Variants in NXPH1 observed in about 807,000 individuals in gnomAD.
NXPH1 encodes neurexophilin 1.
A neutral mutation model predicts 23.7 loss-of-function variants in NXPH1; 5 were observed. The observed-to-expected ratio is 0.21, with a 90% CI of 0.11 to 0.44. The LOEUF is 0.44. Ranked by LOEUF, NXPH1 falls within the 20% of genes least tolerant of loss-of-function variation. NXPH1 has a pLI of 0.99. For synonymous variants in NXPH1, 144 were observed against 122.2 expected, an observed-to-expected ratio of 1.18 and a Z score of -1.18; for missense variants, 324 against 321.6, an observed-to-expected ratio of 1.01 and a Z score of -0.06.
chr7:8,573,396 A>G (rs1818689142), intron 2 of NXPH1, among the ~76,000 whole-genome samples: 3 of 152,174 alleles, frequency 2.0e-5, no homozygotes, highest in South Asian at 4.1e-4. Context: ...TGGTCTTGAC[A>G]TACATACTAC....
At chr7:8,656,751 A>C (rs978280662) in intron 2 of NXPH1, among the ~76,000 whole-genome samples, 1 of 147,030 alleles carries the variant, frequency 6.8e-6, no homozygotes, top group Non-Finnish European at 1.5e-5. Flanking sequence ...TGTCCATGTG[A>C]TCTCATTGTT....
chr7:8,477,132 G>A (rs763508889), intron 2 of NXPH1, among the ~76,000 whole-genome samples: 2 of 152,026 alleles, frequency 1.3e-5, no homozygotes, highest in South Asian at 2.1e-4. Flanking sequence ...TCTCCTTCTT[G>A]GTTCTAAAAT....
intron 2 of NXPH1, among the ~76,000 whole-genome samples, chr7:8,445,800 G>T (rs1295964002): frequency 6.6e-6 from 1 of 152,198 alleles, no homozygotes; most frequent in African/African-American, 2.4e-5. Context: ...ACATGGGTTT[G>T]AAAGTACCAT....
chr7:8,715,561 C>T (rs111244490), intron 2 of NXPH1, among the ~76,000 whole-genome samples: 189 of 152,200 alleles, frequency 1.2e-3, no homozygotes, highest in Middle Eastern at 6.8e-3. Flanking sequence ...GCCAGATCTC[C>T]TTTCAGGTTG....
intron 2 of NXPH1, among the ~76,000 whole-genome samples, chr7:8,534,686 T>C (rs1335182146): frequency 1.3e-5 from 2 of 152,138 alleles, no homozygotes; most frequent in Non-Finnish European, 2.9e-5. Context: ...TTATAAATTA[T>C]CGTACTCTCA....
chr7:8,699,695 C>A (rs1322005571), intron 2 of NXPH1, among the ~76,000 whole-genome samples: 3 of 152,056 alleles, frequency 2.0e-5, no homozygotes, highest in Non-Finnish European at 2.9e-5. Flanking sequence ...GGGGAAAATA[C>A]AAGTTAAAAT....
chr7:8,622,680 A>T (rs1281040126), intron 2 of NXPH1, among the ~76,000 whole-genome samples: 1 of 152,256 alleles, frequency 6.6e-6, no homozygotes, highest in Non-Finnish European at 1.5e-5. Flanking sequence ...TCAGGATAAC[A>T]AATATTTATT....
intron 2 of NXPH1, among the ~76,000 whole-genome samples, chr7:8,437,626 G>A (rs973796543): frequency 6.6e-6 from 1 of 152,182 alleles, no homozygotes; most frequent in Non-Finnish European, 1.5e-5. Flanking sequence ...TCAATACTTT[G>A]TGTTAAATTT....
At chr7:8,499,224 C>G (rs188249112) in intron 2 of NXPH1, among the ~76,000 whole-genome samples, 2 of 152,140 alleles carry the variant, frequency 1.3e-5, no homozygotes, top group Admixed American at 1.3e-4. Flanking sequence ...TCTATCACCA[C>G]TACAAAAAAG....
At chr7:8,509,847 C>A (rs2057865) in intron 2 of NXPH1, among the ~76,000 whole-genome samples, 2 of 151,842 alleles carry the variant, frequency 1.3e-5, no homozygotes, top group Non-Finnish European at 1.5e-5. Flanking sequence ...CAATGGGAAG[C>A]TGGGCAACAA....
chr7:8,533,465 C>T (rs1817982452), intron 2 of NXPH1, among the ~76,000 whole-genome samples: 2 of 151,998 alleles, frequency 1.3e-5, no homozygotes, highest in African/African-American at 4.8e-5. Context: ...CATTAGGTGA[C>T]ATATAGGAAA....
chr7:8,552,723 G>A (rs866631078), intron 2 of NXPH1, among the ~76,000 whole-genome samples: 2 of 151,492 alleles, frequency 1.3e-5, no homozygotes, highest in Non-Finnish European at 3.0e-5. Context: ...TGGTTTTCAT[G>A]TTTGCATGAT....
chr7:8,596,396 G>A (rs1819225171), intron 2 of NXPH1, among the ~76,000 whole-genome samples: 1 of 152,066 alleles, frequency 6.6e-6, no homozygotes, highest in African/African-American at 2.4e-5. Flanking sequence ...AGTTATTAGG[G>A]CTCTTGGAAG....
intron 2 of NXPH1, among the ~76,000 whole-genome samples, chr7:8,615,124 T>A (rs1157690171): frequency 1.3e-5 from 2 of 152,040 alleles, no homozygotes; most frequent in Non-Finnish European, 2.9e-5. Flanking sequence ...TTGTTTCTAT[T>A]GGGGGAAAAT....
chr7:8,594,208 C>T (rs1041303004), intron 2 of NXPH1, among the ~76,000 whole-genome samples: 5 of 152,048 alleles, frequency 3.3e-5, no homozygotes, highest in Non-Finnish European at 7.4e-5. Flanking sequence ...AAATGACACG[C>T]ATACAAGCTA....
chr7:8,510,919 C>A (rs927772115), intron 2 of NXPH1, among the ~76,000 whole-genome samples: 3 of 152,074 alleles, frequency 2.0e-5, no homozygotes, highest in Non-Finnish European at 2.9e-5. Flanking sequence ...TTGGAAGTTT[C>A]CATTTATTTT....
At chr7:8,563,788 G>C (rs919320867) in intron 2 of NXPH1, among the ~76,000 whole-genome samples, 2 of 151,734 alleles carry the variant, frequency 1.3e-5, no homozygotes, top group Non-Finnish European at 3.0e-5. Flanking sequence ...TGCTAATAAT[G>C]CACGCAGAAA....
rs536656012 is a variant in NXPH1 at position 8,626,318 on chromosome 7, T to C, written c.55-124690T>C. ...GCCTTAGTCTATTCCAAACTGCAAC[T>C]TTGTTGAACCTCATGGACTATAATT... is the stretch of plus-strand genomic sequence containing the variant. On this transcript the variant is annotated intron_variant, in intron 2 of 2. Transcript: ENST00000405863. Among the ~76,000 whole-genome samples the C allele has an allele frequency of 2.0e-5, 3 of 152,246 alleles. No homozygotes were observed. In the South Asian group the frequency reaches 6.2e-4, roughly 32 times the overall value.
rs80104790 is a variant in NXPH1, at chr7:8,703,310, C to T, written c.55-47698C>T. 9.3e-3 allele frequency among the ~76,000 whole-genome samples: 1,421 copies of T among 152,220 alleles called. 13 individuals carry two copies. Among genetic ancestry groups the T allele is most frequent in the African/African-American group, 0.032 (1,325 of 41,536 alleles). On this transcript the variant is annotated intron_variant, in intron 2 of 2. Coordinates refer to ENST00000405863, the MANE Select transcript of NXPH1 (RefSeq NM_152745.3). ...TAGCTGCTTTCTGCAATTATTACGT[C>T]TGTGCTACTTTAGTGTTCCATTCAT...
Sources: allele counts gnomAD v4.1 joint callset (sites outside exome capture counted in the v4.1 genomes callset), GRCh38; gene constraint gnomAD v4.1.1; transcripts MANE v1.5; gene names NCBI Gene and HGNC (gene_info 2026-07-23, HGNC 2026-07-21).